Variants in TSHZ2 observed in about 807,000 individuals in gnomAD.
TSHZ2 encodes teashirt zinc finger homeobox 2.
A neutral mutation model predicts 74.4 loss-of-function variants in TSHZ2; 21 were observed. The ratio of observed to expected loss-of-function variants is 0.28; its 90% CI spans 0.20 to 0.41. TSHZ2 has a LOEUF of 0.41. Ranked by LOEUF, TSHZ2 falls within the 10% of genes least tolerant of loss-of-function variation. TSHZ2 has a pLI of 1.00. For missense variants in TSHZ2, 1,244 were observed against 1,293.5 expected (o/e 0.96, Z 0.59); for synonymous variants, 540 against 515.3 (o/e 1.05, Z -0.65).
In TSHZ2 at chr20:53,489,249, T is replaced by G; in HGVS notation, c.*2114T>G. 2.2e-6 allele frequency: 1 copy of G among 452,818 alleles called. No individual in the cohort carries two copies. The highest frequency in any genetic ancestry group is 2.0e-5 in the African/African-American group (1 of 49,994). 28.1% of individuals were successfully genotyped at this position (452,818 alleles called of 1,614,324 possible). A position where few individuals can be genotyped will look rare whatever the true frequency, so the allele number is the denominator to read the frequency against. ...TTTTTATGATGGGAGGATCATAAAGTGAATTGAGAACAGTGAGGTCTGTCT... is the reference window on the plus strand; with the variant it reads ...TTTTTATGATGGGAGGATCATAAAGGGAATTGAGAACAGTGAGGTCTGTCT... On this transcript the variant is annotated 3_prime_UTR_variant, in exon 3 of 3. Transcript: ENST00000371497.
rs1259625620 is a variant in TSHZ2 at position 53,074,063 on chromosome 20, G to A, written c.40+100730G>A. Among the ~76,000 whole-genome samples the A allele has an allele frequency of 1.3e-5, 2 of 152,074 alleles. No individual in the cohort carries two copies. The highest frequency in any genetic ancestry group is 4.8e-5 in the African/African-American group (2 of 41,402). On this transcript the variant is annotated intron_variant, in intron 1 of 2. Coordinates refer to ENST00000371497, the MANE Select transcript of TSHZ2 (RefSeq NM_173485.6). The surrounding 1 kb of genome is among the most constrained non-coding windows in gnomAD (Gnocchi z 5.9). The stretch of plus-strand genomic sequence containing the variant: ...GAAAAGAAACTAAAAAACTGACTTC[G>A]CAATTCTAGCATTGTAAAAGACATG...
At chr20:53,084,598 C>T (rs1985631547) in intron 1 of TSHZ2, among the ~76,000 whole-genome samples, 2 of 146,232 alleles carry the variant, frequency 1.4e-5, no homozygotes, top group Admixed American at 1.4e-4. Flanking sequence ...ATCCTTTCCT[C>T]TGTTTTTCTT....
chr20:53,090,406 A>G (rs924810839), intron 1 of TSHZ2, among the ~76,000 whole-genome samples: 1 of 152,244 alleles, frequency 6.6e-6, no homozygotes, highest in African/African-American at 2.4e-5. Flanking sequence ...GAAGGAGACC[A>G]TTCTGACTGG....
intron 2 of TSHZ2, among the ~76,000 whole-genome samples, chr20:53,405,706 G>T (rs1982826791): frequency 6.6e-6 from 1 of 152,196 alleles, no homozygotes; most frequent in African/African-American, 2.4e-5. Context: ...GTGATAAAAA[G>T]AAATAGTGGC....
intron 2 of TSHZ2, among the ~76,000 whole-genome samples, chr20:53,460,787 G>C (rs553887236): frequency 6.6e-6 from 1 of 152,276 alleles, no homozygotes; most frequent in South Asian, 2.1e-4. Flanking sequence ...TCAGCCACAG[G>C]TCTGTTGGAA....
At chr20:53,122,960 G>T (rs1004156338) in intron 1 of TSHZ2, among the ~76,000 whole-genome samples, 2 of 152,158 alleles carry the variant, frequency 1.3e-5, no homozygotes, top group African/African-American at 4.8e-5. Flanking sequence ...AATAAAAACT[G>T]GGGGAGGTAC....
At chr20:53,244,660 C>T (rs1165896623) in intron 1 of TSHZ2, among the ~76,000 whole-genome samples, 1 of 152,172 alleles carries the variant, frequency 6.6e-6, no homozygotes, top group African/African-American at 2.4e-5. Context: ...AGACCTTCTG[C>T]TTTAAACATT....
chr20:53,307,167 A>C (rs558763395), intron 2 of TSHZ2, among the ~76,000 whole-genome samples: 1 of 152,260 alleles, frequency 6.6e-6, no homozygotes, highest in African/African-American at 2.4e-5. Flanking sequence ...CGCTCCTGGA[A>C]TGCAACGCAA....
At chr20:53,469,622 G>GAGGAAGGGAGGGAGGA (rs1985704883) in intron 2 of TSHZ2, among the ~76,000 whole-genome samples, 1 of 104,424 alleles carries the variant, frequency 9.6e-6, no homozygotes, top group Non-Finnish European at 1.9e-5. Flanking sequence ...GATAGAGAGG[G>GAGGAAGGGAGGGAGGA]AGGAAGGGAG....
chr20:53,158,594 AT>A (rs1273266753), intron 1 of TSHZ2, among the ~76,000 whole-genome samples: 1 of 152,226 alleles, frequency 6.6e-6, no homozygotes, highest in African/African-American at 2.4e-5. Context: ...AAATGAGATG[AT>A]CTCAATATCC....
intron 2 of TSHZ2, among the ~76,000 whole-genome samples, chr20:53,390,650 G>A (rs1340506149): frequency 6.6e-6 from 1 of 152,106 alleles, no homozygotes; most frequent in East Asian, 1.9e-4. Flanking sequence ...AATCCTTTGG[G>A]ATTATAATGG....
chr20:53,268,844 A>G (rs1005604222), intron 2 of TSHZ2, among the ~76,000 whole-genome samples: 2 of 152,200 alleles, frequency 1.3e-5, no homozygotes, highest in South Asian at 4.1e-4. Context: ...CACGACTGTC[A>G]GAGGTCAGAT....
intron 2 of TSHZ2, among the ~76,000 whole-genome samples, chr20:53,376,597 G>A (rs755803492): frequency 5.9e-5 from 9 of 152,148 alleles, no homozygotes; most frequent in Non-Finnish European, 1.2e-4. Context: ...GCAGTTGCTT[G>A]GGCTAGAATC....
At chr20:53,293,426 G>C (rs1239892167) in intron 2 of TSHZ2, among the ~76,000 whole-genome samples, 1 of 152,080 alleles carries the variant, frequency 6.6e-6, no homozygotes, top group East Asian at 1.9e-4. Context: ...TCATGCCACT[G>C]CACTCCAGCC....
intron 1 of TSHZ2, among the ~76,000 whole-genome samples, chr20:53,072,747 A>G (rs1049947401): frequency 1.3e-5 from 2 of 152,236 alleles, no homozygotes; most frequent in Non-Finnish European, 2.9e-5. Flanking sequence ...CCTAGAAAGT[A>G]TGGGAATAGA....
intron 1 of TSHZ2, among the ~76,000 whole-genome samples, chr20:53,147,129 TCTCAA>T (rs1987560367): frequency 6.6e-6 from 1 of 152,224 alleles, no homozygotes; most frequent in South Asian, 2.1e-4. Flanking sequence ...TTCTTTGTGA[TCTCAA>T]CTCAGCTTAT....
intron 2 of TSHZ2, among the ~76,000 whole-genome samples, chr20:53,284,288 G>A (rs1301035433): frequency 1.3e-5 from 2 of 152,132 alleles, no homozygotes; most frequent in African/African-American, 2.4e-5. Context: ...ACTTAAGTTC[G>A]GCTGTCTGTT....
At chr20:53,478,924 G>A (rs1395616111) in intron 2 of TSHZ2, among the ~76,000 whole-genome samples, 6 of 152,102 alleles carry the variant, frequency 3.9e-5, no homozygotes, top group African/African-American at 1.4e-4. Flanking sequence ...CAGCACTTTA[G>A]GAGGCCCAGG....
intron 1 of TSHZ2, among the ~76,000 whole-genome samples, chr20:53,091,237 G>A (rs531003025): frequency 6.6e-6 from 1 of 152,338 alleles, no homozygotes; most frequent in South Asian, 2.1e-4. Context: ...TAAGAAGTGA[G>A]TTTATGTAAA....
Sources: allele counts gnomAD v4.1 joint callset (sites outside exome capture counted in the v4.1 genomes callset), GRCh38; gene constraint gnomAD v4.1.1; non-coding constraint Gnocchi (gnomAD v3.1); transcripts MANE v1.5; gene names NCBI Gene and HGNC (gene_info 2026-07-23, HGNC 2026-07-21).